The following RBFOX1 variants were observed in gnomAD, a reference collection of about 807,000 sequenced individuals.
RBFOX1 encodes RNA binding protein fox-1 homolog 1.
A neutral mutation model predicts 57.7 loss-of-function variants in RBFOX1; 8 were observed. The ratio of observed to expected loss-of-function variants is 0.14; its 90% CI spans 0.08 to 0.25. The LOEUF is 0.25. Ranked by LOEUF, RBFOX1 falls within the 10% of genes least tolerant of loss-of-function variation. RBFOX1 has a pLI of 1.00. For synonymous variants in RBFOX1, 326 were observed against 222.4 expected, an observed-to-expected ratio of 1.47 and a Z score of -4.15; for missense variants, 611 against 548.5, an observed-to-expected ratio of 1.11 and a Z score of -1.14.
At chr16:5,723,216 G>A (rs79656803) in intron 3 of RBFOX1, among the ~76,000 whole-genome samples, 12,230 of 152,298 alleles carry the variant, frequency 0.08, 780 homozygotes, top group East Asian at 0.31. Context: ...TCACAGAGGA[G>A]GCAGTAGATG....
intron 4 of RBFOX1, among the ~76,000 whole-genome samples, chr16:7,148,709 T>A (rs1601027010): frequency 6.6e-6 from 1 of 152,358 alleles, no homozygotes; most frequent in East Asian, 1.9e-4. Context: ...CATGGTTGAA[T>A]GATCTCAAAA....
chr16:5,329,545 C>T (rs1439821197), intron 1 of RBFOX1, among the ~76,000 whole-genome samples: 1 of 152,200 alleles, frequency 6.6e-6, no homozygotes, highest in Non-Finnish European at 1.5e-5. Flanking sequence ...GGGACACAGA[C>T]CCGAACCATA....
chr16:6,072,161 C>G (rs2095845476), intron 1 of RBFOX1, among the ~76,000 whole-genome samples: 1 of 152,172 alleles, frequency 6.6e-6, no homozygotes, highest in Non-Finnish European at 1.5e-5. Flanking sequence ...TTCAGGGGAA[C>G]TGCCCTTTAT....
intron 4 of RBFOX1, among the ~76,000 whole-genome samples, chr16:5,890,802 G>A (rs931082941): frequency 6.6e-6 from 1 of 151,746 alleles, no homozygotes; most frequent in African/African-American, 2.4e-5. Context: ...TGCCATTTAG[G>A]ATGACTAAGA....
chr16:6,821,772 T>G (rs866964405), intron 3 of RBFOX1, among the ~76,000 whole-genome samples: 4 of 152,202 alleles, frequency 2.6e-5, no homozygotes, highest in African/African-American at 9.7e-5. Context: ...AATTTTTTCA[T>G]TGATAGACAT....
intron 14 of RBFOX1, among the ~76,000 whole-genome samples, chr16:7,684,492 A>G (rs10852689): frequency 0.49 from 74,436 of 151,784 alleles, 18,828 homozygotes; most frequent in South Asian, 0.72. Context: ...AAACATAATC[A>G]AAGCCAAATA....
intron 4 of RBFOX1, among the ~76,000 whole-genome samples, chr16:6,002,562 A>G (rs1299608421): frequency 6.6e-6 from 1 of 152,216 alleles, no homozygotes; most frequent in Non-Finnish European, 1.5e-5. Context: ...AGAGAAGTGA[A>G]TCCATAATTG....
At chr16:6,084,755 G>T (rs79493059) in intron 1 of RBFOX1, among the ~76,000 whole-genome samples, 3,257 of 150,050 alleles carry the variant, frequency 0.022, 71 homozygotes, top group Admixed American at 0.057. Context: ...TCTTCATGGG[G>T]AAGCCCAGGC....
At chr16:7,098,232 C>A (rs559359953) in intron 4 of RBFOX1, among the ~76,000 whole-genome samples, 19 of 152,192 alleles carry the variant, frequency 1.2e-4, no homozygotes, top group Non-Finnish European at 5.9e-5. Context: ...TGCAGTGGCA[C>A]GATCTTGGCC....
intron 4 of RBFOX1, among the ~76,000 whole-genome samples, chr16:7,076,637 C>T (rs552481274): frequency 2.0e-5 from 3 of 152,102 alleles, no homozygotes; most frequent in African/African-American, 4.8e-5. Flanking sequence ...AATTTTTTTC[C>T]TCCCAATAAT....
At chr16:6,928,815 G>T (rs1038082155) in intron 3 of RBFOX1, among the ~76,000 whole-genome samples, 1 of 151,990 alleles carries the variant, frequency 6.6e-6, no homozygotes, top group Non-Finnish European at 1.5e-5. Context: ...CACAGAAAAA[G>T]AACAGTAACA....
At chr16:5,741,958 A>G (rs1201490391) in intron 3 of RBFOX1, among the ~76,000 whole-genome samples, 1 of 152,238 alleles carries the variant, frequency 6.6e-6, no homozygotes, top group Non-Finnish European at 1.5e-5. Context: ...TGATAATGCT[A>G]TCATTGACTA....
chr16:6,975,635 GAA>G (rs2086661387), intron 3 of RBFOX1, among the ~76,000 whole-genome samples: 1 of 152,130 alleles, frequency 6.6e-6, no homozygotes, highest in Non-Finnish European at 1.5e-5. Flanking sequence ...CTTGACAGAT[GAA>G]AAGACTGAGC....
At chr16:6,601,783 C>G (rs544921844) in intron 2 of RBFOX1, among the ~76,000 whole-genome samples, 2 of 152,138 alleles carry the variant, frequency 1.3e-5, no homozygotes, top group African/African-American at 4.8e-5. Flanking sequence ...TTAACCAAAG[C>G]AAACAGGACC....
At chr16:7,260,292 C>G (rs568801616) in intron 4 of RBFOX1, among the ~76,000 whole-genome samples, 2 of 152,170 alleles carry the variant, frequency 1.3e-5, no homozygotes, top group South Asian at 4.1e-4. Flanking sequence ...TCCAGACATG[C>G]TTCACTTTTG....
At chr16:6,709,189 G>A (rs959214070) in intron 3 of RBFOX1, among the ~76,000 whole-genome samples, 3 of 151,972 alleles carry the variant, frequency 2.0e-5, no homozygotes, top group African/African-American at 4.8e-5. Context: ...ATGTTTTAAG[G>A]CCTGTTTTTA....
chr16:5,725,819 C>T (rs749378611), intron 3 of RBFOX1, among the ~76,000 whole-genome samples: 1 of 151,924 alleles, frequency 6.6e-6, no homozygotes, highest in Non-Finnish European at 1.5e-5. Flanking sequence ...TCTAGGATGC[C>T]AGCTCTCCGA....
intron 4 of RBFOX1, among the ~76,000 whole-genome samples, chr16:7,378,163 A>G (rs1048038666): frequency 4.6e-5 from 7 of 152,196 alleles, no homozygotes; most frequent in African/African-American, 1.7e-4. Context: ...GTAAGGCAGT[A>G]TGAGCTTTAT....
chr16:6,921,607 G>A (rs1234281290), intron 3 of RBFOX1, among the ~76,000 whole-genome samples: 3 of 147,858 alleles, frequency 2.0e-5, no homozygotes, highest in Non-Finnish European at 4.4e-5. Flanking sequence ...AATAATTTAT[G>A]TATATACATA....
Sources: gnomAD v4.1 joint callset for allele counts (sites outside exome capture counted in the v4.1 genomes callset) on GRCh38, gnomAD v4.1.1 for gene constraint, MANE v1.5 for transcripts, NCBI Gene and HGNC (gene_info 2026-07-23, HGNC 2026-07-21) for gene names.